CMSS1: variants seen among roughly 807,000 people sequenced by gnomAD.
CMSS1 encodes cms1 ribosomal small subunit homolog.
CMSS1 carries 33 observed loss-of-function variants against 43.5 expected under a neutral mutation model. The ratio of observed to expected loss-of-function variants is 0.76; its 90% CI spans 0.57 to 1.01. The LOEUF is 1.01. Among genes scored for constraint, CMSS1 ranks in the 50% least tolerant of loss-of-function variants. The probability of loss-of-function intolerance (pLI) is 0.00; values close to 1 mark genes in which losing one functional copy is unlikely to be tolerated. For synonymous variants in CMSS1, 115 were observed against 117.2 expected (o/e 0.98, Z 0.12); for missense variants, 313 against 326.4 (o/e 0.96, Z 0.32).
chr3:100,078,618 G>T (rs1245977231), intron 1 of CMSS1, among the ~76,000 whole-genome samples: 1 of 152,094 alleles, frequency 6.6e-6, no homozygotes, highest in Non-Finnish European at 1.5e-5. Flanking sequence ...GCCTGGCATG[G>T]TGGCTCGCTG....
intron 1 of CMSS1, among the ~76,000 whole-genome samples, chr3:99,907,537 G>A (rs563131753): frequency 1.3e-5 from 2 of 152,114 alleles, no homozygotes; most frequent in African/African-American, 4.8e-5. Context: ...GTGAGCCAAC[G>A]CACCTGGCGT....
At chr3:100,146,508 C>G (rs1482312369) in intron 1 of CMSS1, among the ~76,000 whole-genome samples, 1 of 152,048 alleles carries the variant, frequency 6.6e-6, no homozygotes, top group African/African-American at 2.4e-5. Context: ...GTCTTTTTAT[C>G]TAAGAATAGA....
chr3:99,851,027 TCTC>T (rs962290921), intron 1 of CMSS1: 8 of 1,609,094 alleles, frequency 5.0e-6, no homozygotes, highest in African/African-American at 4.0e-5. Flanking sequence ...TCTTGCTCCT[TCTC>T]CTCCTGAGAC....
At chr3:99,850,785 C>T (rs373047332) in intron 1 of CMSS1, 4 of 1,614,040 alleles carry the variant, frequency 2.5e-6, no homozygotes, top group South Asian at 1.1e-5. Flanking sequence ...TTGTGGTCTG[C>T]GTTTGCAGTT....
chr3:99,977,357 A>G (rs927517913), intron 1 of CMSS1, among the ~76,000 whole-genome samples: 2 of 152,098 alleles, frequency 1.3e-5, no homozygotes, highest in Non-Finnish European at 2.9e-5. Context: ...ATGAAGGACA[A>G]ATTAGGAGAA....
chr3:100,094,540 G>T (rs890748737), intron 1 of CMSS1, among the ~76,000 whole-genome samples: 3 of 151,972 alleles, frequency 2.0e-5, no homozygotes, highest in Admixed American at 2.0e-4. Flanking sequence ...TTTTCTAAGA[G>T]AATTTTATGT....
At chr3:99,830,359 T>C (rs1277159052) in intron 1 of CMSS1, 1 of 365,390 alleles carries the variant, frequency 2.7e-6, no homozygotes, top group African/African-American at 2.1e-5. Flanking sequence ...GTGGTAATTT[T>C]AGCTTTCCAC....
At chr3:99,943,493 C>T (rs1172516286) in intron 1 of CMSS1, among the ~76,000 whole-genome samples, 1 of 152,114 alleles carries the variant, frequency 6.6e-6, no homozygotes, top group African/African-American at 2.4e-5. Flanking sequence ...CATCTGAGGT[C>T]AGGAGTTTGA....
intron 1 of CMSS1, among the ~76,000 whole-genome samples, chr3:99,869,262 C>A (rs1944668835): frequency 6.6e-6 from 1 of 152,090 alleles, no homozygotes; most frequent in South Asian, 2.1e-4. Context: ...GCCTGTGATT[C>A]TTTGCATCTG....
intron 2 of CMSS1, among the ~76,000 whole-genome samples, chr3:100,149,729 T>C (rs2066886841): frequency 1.3e-5 from 2 of 152,200 alleles, no homozygotes; most frequent in African/African-American, 4.8e-5. Flanking sequence ...ACAGATTTTA[T>C]CTGTGCGTCT....
At chr3:100,118,161 G>A (rs566747111) in intron 1 of CMSS1, among the ~76,000 whole-genome samples, 184 of 151,628 alleles carry the variant, frequency 1.2e-3, no homozygotes, top group Non-Finnish European at 2.1e-3. Flanking sequence ...GAAATAGAGA[G>A]TAGTGATGGT....
In CMSS1 at chr3:100,147,046, A is replaced by G. The variant is rs1311100006; in HGVS notation, c.138A>G (p.Ser46=). ...AGACAGTTCCAGTTCCTGTACCTTC[A>G]GAGAAAACCAAACAGGTGAGGGGTC... ...QQETVPVPVP[S]EKTKQPKECF... is the part of the protein sequence containing the mutation. Residue 46 remains serine (S), a synonymous_variant, in exon 2 of 10, where the codon TCA becomes TCG. Coordinates refer to ENST00000421999, the MANE Select transcript of CMSS1 (RefSeq NM_032359.4). The G allele has an allele frequency of 1.2e-6, 2 of 1,613,820 alleles. No individual in the cohort carries two copies. Among genetic ancestry groups the G allele is most frequent in the Middle Eastern group, 1.6e-4 (1 of 6,084 alleles).
At chr3:100,035,395 T>C (rs1192182199) in intron 1 of CMSS1, among the ~76,000 whole-genome samples, 2 of 152,094 alleles carry the variant, frequency 1.3e-5, no homozygotes, top group Non-Finnish European at 2.9e-5. Flanking sequence ...TGCCTCAGCC[T>C]CCGGAGTAGC....
chr3:100,166,383 A>T lies in CMSS1; in HGVS notation c.404A>T (p.Tyr135Phe). ...GATTTGACTCACAGTCTTTCCTCATACCTAAAAGAAAGTAAGTAAACTCTG... is the reference window on the plus strand; with the variant it reads ...GATTTGACTCACAGTCTTTCCTCATTCCTAAAAGAAAGTAAGTAAACTCTG... The part of the protein sequence containing the change: ...ANDLTHSLSS[Y>F]LKEICPKWVK... Residue 135 changes from tyrosine (Y) to phenylalanine (F), a missense_variant, in exon 5 of 10, where the codon TAC (tyrosine) becomes TTC (phenylalanine). Coordinates refer to ENST00000421999, the MANE Select transcript of CMSS1 (RefSeq NM_032359.4). 1 of 1,582,790 alleles carries T rather than the reference A, an allele frequency of 6.3e-7. No individual in the cohort carries two copies. The highest frequency in any genetic ancestry group is 8.7e-7 in the Non-Finnish European group (1 of 1,152,206).
chr3:99,963,660 G>A (rs1457702933), intron 1 of CMSS1, among the ~76,000 whole-genome samples: 1 of 151,786 alleles, frequency 6.6e-6, no homozygotes, highest in African/African-American at 2.4e-5. Flanking sequence ...AGCCCAGGCT[G>A]GAGTGCAGTG....
chr3:100,037,961 G>T lies in CMSS1; in HGVS notation c.65-109012G>T, dbSNP rs371591287. Among the ~76,000 whole-genome samples the T allele has an allele frequency of 5.3e-5, 7 of 132,514 alleles. No individual in the cohort carries two copies. In the East Asian group the frequency reaches 9.4e-4, roughly 18 times the overall value. The allele number at this position is 132,514 out of a possible 152,430, so 86.9% of individuals were successfully genotyped here. On this transcript the variant is annotated intron_variant, in intron 1 of 9. Coordinates refer to ENST00000421999, the MANE Select transcript of CMSS1 (RefSeq NM_032359.4). Reference sequence around the variant, plus strand: ...TTTCTTTTTTTTTTTTTTTTTGGGGGGGGAGGGAACAGAGTCTCAAATCTC... The same window carrying T: ...TTTCTTTTTTTTTTTTTTTTTGGGGTGGGAGGGAACAGAGTCTCAAATCTC...
At position 100,015,385 on chromosome 3, in the gene CMSS1, G is replaced by A. The variant is rs568504356; in HGVS notation, c.65-131588G>A. Among the ~76,000 whole-genome samples the A allele has an allele frequency of 1.2e-4, 19 of 152,186 alleles. No individual in the cohort carries two copies. In the South Asian group the frequency reaches 3.5e-3, roughly 28 times the overall value. Reference sequence around the variant, plus strand: ...TGGAGTATTTGAGGTGGTTTCATACGAATTTTAGGATTGCTTTTTCTATTT... The same window carrying A: ...TGGAGTATTTGAGGTGGTTTCATACAAATTTTAGGATTGCTTTTTCTATTT... On this transcript the variant is annotated intron_variant, in intron 1 of 9. Coordinates refer to ENST00000421999, the MANE Select transcript of CMSS1 (RefSeq NM_032359.4).
At chr3:100,058,951 A>G (rs2065512111) in intron 1 of CMSS1, among the ~76,000 whole-genome samples, 1 of 152,238 alleles carries the variant, frequency 6.6e-6, no homozygotes, top group African/African-American at 2.4e-5. Context: ...AGCATGGAGA[A>G]GGCATTTGGT....
chr3:99,911,477 C>T (rs565524513), intron 1 of CMSS1, among the ~76,000 whole-genome samples: 2 of 151,996 alleles, frequency 1.3e-5, no homozygotes, highest in South Asian at 4.2e-4. Flanking sequence ...TTCTGCATGA[C>T]GAATGTCTCA....
Sources: allele counts gnomAD v4.1 joint callset (sites outside exome capture counted in the v4.1 genomes callset), GRCh38; gene constraint gnomAD v4.1.1; transcripts MANE v1.5; gene names NCBI Gene and HGNC (gene_info 2026-07-23, HGNC 2026-07-21).